The following ERC2 variants were observed in gnomAD, a reference collection of about 807,000 sequenced individuals.
ERC2 encodes ERC protein 2.
Under a neutral mutation model 114.8 loss-of-function variants are expected in ERC2, and 42 were observed. The observed-to-expected ratio is 0.37, with a 90% CI of 0.29 to 0.47. The LOEUF (loss-of-function observed/expected upper bound fraction) is 0.47, where lower values mean the gene tolerates loss of function less well. Ranked by LOEUF, ERC2 falls within the 20% of genes least tolerant of loss-of-function variation. ERC2 has a pLI of 0.99. For missense variants in ERC2, 939 were observed against 1,150.7 expected (o/e 0.82, Z 2.66); for synonymous variants, 454 against 425.5 (o/e 1.07, Z -0.82).
In ERC2 at chr3:56,408,531, G is replaced by A. The variant is rs143571557; in HGVS notation, c.657+25820C>T. On this transcript the variant is annotated intron_variant, in intron 2 of 17. Transcript: ENST00000288221. The stretch of plus-strand genomic sequence containing the variant: ...CCCCTTCCCTGACACACACAATTAC[G>A]CTTCGTAATGGTCACAATGCCTGGA... Among the ~76,000 whole-genome samples the A allele has an allele frequency of 1.6e-3, 237 of 151,882 alleles. 1 individual carries two copies. The highest frequency in any genetic ancestry group is 5.3e-3 in the African/African-American group (221 of 41,372).
chr3:56,464,291 G>T (rs537070715), intron 1 of ERC2, among the ~76,000 whole-genome samples: 1 of 152,190 alleles, frequency 6.6e-6, no homozygotes, highest in Admixed American at 6.5e-5. Flanking sequence ...ACATTTGCTC[G>T]TGTAGTTTGC....
At chr3:56,219,798 A>G (rs1029550744) in intron 3 of ERC2, among the ~76,000 whole-genome samples, 12 of 152,160 alleles carry the variant, frequency 7.9e-5, no homozygotes, top group Non-Finnish European at 1.3e-4. Context: ...AGATATTATT[A>G]CTTCAATGGC....
chr3:55,813,663 A>AT lies in ERC2; in HGVS notation c.2564+74725dup, dbSNP rs1374827091. On this transcript the variant is annotated intron_variant, in intron 14 of 17. Transcript: ENST00000288221. ...GCTAGCCTTCTTCTCAGTACTGGCT[A>AT]TTTTTTCCCTAACAAATGAAGAAAT... 2.6e-5 allele frequency among the ~76,000 whole-genome samples: 4 copies of AT among 152,150 alleles called. No homozygotes were observed. The East Asian group carries it at 5.8e-4, about 22-fold the overall frequency.
chr3:56,275,458 A>G (rs2053928302), intron 3 of ERC2, among the ~76,000 whole-genome samples: 1 of 152,198 alleles, frequency 6.6e-6, no homozygotes, highest in African/African-American at 2.4e-5. Flanking sequence ...TCCCATTTTA[A>G]CAGAGGTGGA....
chr3:55,755,150 A>G (rs2066969541), intron 14 of ERC2, among the ~76,000 whole-genome samples: 1 of 151,662 alleles, frequency 6.6e-6, no homozygotes, highest in South Asian at 2.1e-4. Context: ...TATTTCCCCC[A>G]TAAAGAGGGA....
intron 2 of ERC2, among the ~76,000 whole-genome samples, chr3:56,371,143 A>C (rs1195723316): frequency 3.3e-5 from 5 of 152,210 alleles, no homozygotes; most frequent in Non-Finnish European, 2.9e-5. Flanking sequence ...CAGAGAACGA[A>C]GAAAAGAAAG....
intron 17 of ERC2, among the ~76,000 whole-genome samples, chr3:55,575,460 C>G (rs1559679635): frequency 6.6e-6 from 1 of 152,218 alleles, no homozygotes; most frequent in Non-Finnish European, 1.5e-5. Context: ...TCTGACTAGC[C>G]CATGTGACCT....
intron 4 of ERC2, among the ~76,000 whole-genome samples, chr3:56,151,294 T>G (rs1314976905): frequency 6.6e-6 from 1 of 152,182 alleles, no homozygotes; most frequent in Non-Finnish European, 1.5e-5. Context: ...CTCGAACTCC[T>G]GACCTCAAGT....
intron 13 of ERC2, among the ~76,000 whole-genome samples, chr3:55,892,194 AT>A (rs1176082178): frequency 2.6e-5 from 4 of 152,164 alleles, no homozygotes; most frequent in Non-Finnish European, 5.9e-5. Flanking sequence ...CAAGAAATTA[AT>A]TTTTTTCTGA....
intron 2 of ERC2, among the ~76,000 whole-genome samples, chr3:56,367,352 T>A (rs1317492321): frequency 6.6e-6 from 1 of 152,044 alleles, no homozygotes; most frequent in Admixed American, 6.6e-5. Context: ...CAATCTTAAA[T>A]AACACAAACT....
chr3:55,990,234 C>T (rs1357343287), intron 11 of ERC2, among the ~76,000 whole-genome samples: 1 of 151,780 alleles, frequency 6.6e-6, no homozygotes, highest in Admixed American at 6.6e-5. Context: ...GGGATAGTTA[C>T]CTCAAAAAAA....
At chr3:55,967,503 T>C (rs1390695922) in intron 12 of ERC2, among the ~76,000 whole-genome samples, 1 of 152,218 alleles carries the variant, frequency 6.6e-6, no homozygotes, top group Non-Finnish European at 1.5e-5. Context: ...TTTCTTGTTG[T>C]ACCTTATAAA....
At chr3:56,051,368 A>G (rs1342202808) in intron 7 of ERC2, among the ~76,000 whole-genome samples, 2 of 152,188 alleles carry the variant, frequency 1.3e-5, no homozygotes, top group African/African-American at 2.4e-5. Context: ...TTCTAAACTG[A>G]AACTTGGCAA....
At chr3:55,956,913 G>A (rs953306052) in intron 12 of ERC2, among the ~76,000 whole-genome samples, 1 of 149,474 alleles carries the variant, frequency 6.7e-6, no homozygotes, top group Non-Finnish European at 1.5e-5. Context: ...GTACCATCGC[G>A]CATTGTGTCT....
intron 17 of ERC2, among the ~76,000 whole-genome samples, chr3:55,667,660 C>A (rs188565106): frequency 1.1e-4 from 17 of 152,300 alleles, no homozygotes; most frequent in Admixed American, 1.1e-3. Flanking sequence ...AGCAATTACA[C>A]CGTGCCCAGC....
intron 17 of ERC2, among the ~76,000 whole-genome samples, chr3:55,523,828 C>T (rs1359727490): frequency 6.6e-6 from 1 of 152,166 alleles, no homozygotes; most frequent in African/African-American, 2.4e-5. Context: ...AGGAATAGCC[C>T]CAAATGCTTC....
chr3:55,765,616 G>A (rs993313684), intron 14 of ERC2, among the ~76,000 whole-genome samples: 1 of 152,224 alleles, frequency 6.6e-6, no homozygotes, highest in Admixed American at 6.5e-5. Context: ...ATGCTTCAGA[G>A]AGTTGAGTGG....
chr3:56,066,944 T>A (rs1221669848), intron 7 of ERC2, among the ~76,000 whole-genome samples: 8 of 152,244 alleles, frequency 5.3e-5, no homozygotes, highest in Non-Finnish European at 1.5e-5. Flanking sequence ...CTGTATTGGT[T>A]ACCATAGCCT....
In ERC2 at chr3:56,110,251, C is replaced by T. The variant is rs543973156; in HGVS notation, c.1473+29258G>A. ...AGGTATTATAATAGGTACACGAGCA[C>T]CTTTTAAAAAGCAATTTCAAAGTGC... On this transcript the variant is annotated intron_variant, in intron 6 of 17. Coordinates refer to ENST00000288221, the MANE Select transcript of ERC2 (RefSeq NM_015576.3). Among the ~76,000 whole-genome samples the T allele has an allele frequency of 5.9e-5, 9 of 152,204 alleles. No individual in the cohort carries two copies. In the South Asian group the frequency reaches 1.9e-3, roughly 32 times the overall value.
Sources: allele counts gnomAD v4.1 joint callset (sites outside exome capture counted in the v4.1 genomes callset), GRCh38; gene constraint gnomAD v4.1.1; transcripts MANE v1.5; gene names NCBI Gene and HGNC (gene_info 2026-07-23, HGNC 2026-07-21).